The following GNB4 variants were observed in gnomAD, a reference collection of about 807,000 sequenced individuals.
GNB4 encodes guanine nucleotide-binding protein subunit beta-4.
A neutral mutation model predicts 45.2 loss-of-function variants in GNB4; 28 were observed. The observed-to-expected ratio is 0.62, with a 90% CI of 0.46 to 0.85. The LOEUF is 0.85. GNB4 is among the 40% of genes least tolerant of loss of function. GNB4 has a pLI of 0.00. For missense variants in GNB4, 321 were observed against 425.4 expected, an observed-to-expected ratio of 0.75 and a Z score of 2.16; for synonymous variants, 132 against 143.7, an observed-to-expected ratio of 0.92 and a Z score of 0.58.
intron 8 of GNB4, among the ~76,000 whole-genome samples, chr3:179,408,270 C>T (rs1304151054): frequency 2.6e-5 from 4 of 151,918 alleles, no homozygotes; most frequent in East Asian, 3.9e-4. Flanking sequence ...AGGACAACAA[C>T]GTCTGGGATG....
Position 179,397,902 on chromosome 3 carries a change from TG to T in GNB4, c.*3310del. On this transcript the variant is annotated 3_prime_UTR_variant, in exon 10 of 10. Coordinates refer to ENST00000232564, the MANE Select transcript of GNB4 (RefSeq NM_021629.4). Reference sequence around the variant, plus strand: ...CCCACCTCCACGCCCGGCTAATTTTTGTATTTTTAGTAGAGATGGGGTTTCA... The same window carrying T: ...CCCACCTCCACGCCCGGCTAATTTTTTATTTTTAGTAGAGATGGGGTTTCA... 6.6e-6 allele frequency: 1 copy of T among 152,440 alleles called. No homozygotes were observed. Among genetic ancestry groups the T allele is most frequent in the East Asian group, 1.9e-4 (1 of 5,148 alleles). 9.4% of individuals were successfully genotyped at this position (152,440 alleles called of 1,614,324 possible). A position where few individuals can be genotyped will look rare whatever the true frequency, so the allele number is the denominator to read the frequency against.
Position 179,398,949 on chromosome 3 carries a change from T to C in GNB4, c.*2264A>G, listed in dbSNP as rs1163764246. On this transcript the variant is annotated 3_prime_UTR_variant, in exon 10 of 10. Coordinates refer to ENST00000232564, the MANE Select transcript of GNB4 (RefSeq NM_021629.4). ...GTAATTTTAAAATATGTTAAGACCA[T>C]AGAATTCCTGTGGTCTGTATGCCTG... 3 of 152,178 alleles carry C rather than the reference T, an allele frequency of 2.0e-5. No individual in the cohort carries two copies. Among genetic ancestry groups the C allele is most frequent in the Non-Finnish European group, 4.4e-5 (3 of 68,020 alleles). The allele number at this position is 152,178 out of a possible 1,614,324, so 9.4% of individuals were successfully genotyped here.
intron 8 of GNB4, among the ~76,000 whole-genome samples, chr3:179,413,208 C>A (rs541467806): frequency 6.6e-6 from 1 of 151,910 alleles, no homozygotes; most frequent in South Asian, 2.1e-4. Context: ...AAAAAAAAAT[C>A]CAACAATAAC....
At chr3:179,436,128 G>C (rs1457423028) in intron 1 of GNB4, among the ~76,000 whole-genome samples, 1 of 152,236 alleles carries the variant, frequency 6.6e-6, no homozygotes, top group Non-Finnish European at 1.5e-5. Context: ...CGGATCTGCA[G>C]TGGCTCACAC....
At chr3:179,409,594 G>T (rs531784750) in intron 8 of GNB4, among the ~76,000 whole-genome samples, 53 of 151,916 alleles carry the variant, frequency 3.5e-4, no homozygotes, top group Non-Finnish European at 6.5e-4. Context: ...GGCAGATCAC[G>T]AGGTCAAGAG....
the GNB4 span, among the ~76,000 whole-genome samples, chr3:179,502,752 A>G: frequency 1.3e-5 from 2 of 152,246 alleles, no homozygotes; most frequent in East Asian, 3.8e-4. Context: ...ATTAGGTGGT[A>G]TATGTAGACC....
chr3:179,426,204 T>C lies in GNB4; in HGVS notation c.-4A>G. 2 of 1,594,954 alleles carry C rather than the reference T, an allele frequency of 1.3e-6. No individual in the cohort carries two copies. The highest frequency in any genetic ancestry group is 8.5e-7 in the Non-Finnish European group (1 of 1,175,124). ...TCAACTGTTCCAGTTCGCTCATTTT[T>C]TCAATTTGTTTACCTCAGGAGCTAA... On this transcript the variant is annotated 5_prime_UTR_variant, in exon 2 of 10. Transcript: ENST00000232564.
At chr3:179,435,492 T>C (rs201167304) in intron 1 of GNB4, among the ~76,000 whole-genome samples, 2 of 92,906 alleles carry the variant, frequency 2.2e-5, no homozygotes, top group Non-Finnish European at 4.7e-5. Flanking sequence ...AAAAAAAAAA[T>C]CAGAAGGGGA....
chr3:179,520,756 T>G, the GNB4 span, among the ~76,000 whole-genome samples: 3 of 152,270 alleles, frequency 2.0e-5, no homozygotes, highest in Admixed American at 2.0e-4. Context: ...CCCCCATGAT[T>G]GTACCTCTCT....
rs1293771060 is a variant in GNB4 at position 179,451,443 on chromosome 3, C to A, written c.-140G>T. 2 of 151,104 alleles carry A rather than the reference C, an allele frequency of 1.3e-5. No homozygotes were observed. The highest frequency in any genetic ancestry group is 4.8e-5 in the African/African-American group (2 of 41,300). The allele number at this position is 151,104 out of a possible 1,614,324, so 9.4% of individuals were successfully genotyped here. On this transcript the variant is annotated 5_prime_UTR_variant, in exon 1 of 10. Transcript: ENST00000232564. ...CGGAGCCGGCGTGGAGAGCGCAGCT[C>A]ACAGCCGAGACCAGAGCCGCCGGCC...
intron 4 of GNB4, among the ~76,000 whole-genome samples, chr3:179,417,115 A>C (rs1714821803): frequency 6.6e-6 from 1 of 152,186 alleles, no homozygotes; most frequent in Non-Finnish European, 1.5e-5. Context: ...GTAAAGGAGG[A>C]ACAATGGCTA....
At chr3:179,498,472 TG>T in the GNB4 span, among the ~76,000 whole-genome samples, 42 of 152,336 alleles carry the variant, frequency 2.8e-4, no homozygotes, top group East Asian at 6.4e-3. Flanking sequence ...AGTCTTGCTT[TG>T]TTGCCCAGGC....
chr3:179,494,916 A>G, the GNB4 span, among the ~76,000 whole-genome samples: 3 of 149,820 alleles, frequency 2.0e-5, no homozygotes, highest in Non-Finnish European at 4.4e-5. Context: ...TCAAAAAAAA[A>G]AAAAAAAAAA....
At chr3:179,458,858 T>G in the GNB4 span, among the ~76,000 whole-genome samples, 1 of 152,210 alleles carries the variant, frequency 6.6e-6, no homozygotes, top group Non-Finnish European at 1.5e-5. Flanking sequence ...AAAATAGATA[T>G]CAAAACTCAT....
In GNB4 at chr3:179,419,628, T is replaced by G. The variant is rs1041422759; in HGVS notation, c.97-123A>C. 4 of 674,786 alleles carry G rather than the reference T, an allele frequency of 5.9e-6. No homozygotes were observed. In the African/African-American group the frequency reaches 7.2e-5, roughly 12 times the overall value. 41.8% of individuals were successfully genotyped at this position (674,786 alleles called of 1,614,324 possible). A position where few individuals can be genotyped will look rare whatever the true frequency, so the allele number is the denominator to read the frequency against. On this transcript the variant is annotated intron_variant, in intron 3 of 9. Transcript: ENST00000232564. Reference sequence around the variant, plus strand: ...GTACATTTATAGTAACTGAAGGTAATTTAATGTATATAATTCCACAGAGCC... The same window carrying G: ...GTACATTTATAGTAACTGAAGGTAAGTTAATGTATATAATTCCACAGAGCC...
the GNB4 span, among the ~76,000 whole-genome samples, chr3:179,505,358 G>A: frequency 6.6e-6 from 1 of 152,202 alleles, no homozygotes; most frequent in Non-Finnish European, 1.5e-5. Context: ...AGATGAAACT[G>A]TGTGACAGAT....
chr3:179,526,448 G>T, the GNB4 span, among the ~76,000 whole-genome samples: 1 of 152,196 alleles, frequency 6.6e-6, no homozygotes, highest in Non-Finnish European at 1.5e-5. Flanking sequence ...TGTCACTGAA[G>T]ATAAAACATA....
chr3:179,429,124 G>C (rs1296292788), intron 1 of GNB4, among the ~76,000 whole-genome samples: 3 of 152,226 alleles, frequency 2.0e-5, no homozygotes, highest in Non-Finnish European at 4.4e-5. Flanking sequence ...AGTCCCTAGT[G>C]GCTGTTACTT....
chr3:179,466,800 C>T, the GNB4 span, among the ~76,000 whole-genome samples: 57 of 152,136 alleles, frequency 3.7e-4, no homozygotes, highest in Non-Finnish European at 1.5e-5. Flanking sequence ...GGTAAAATTA[C>T]AGTGATCAAT....
Sources: allele counts gnomAD v4.1 joint callset (sites outside exome capture counted in the v4.1 genomes callset), GRCh38; gene constraint gnomAD v4.1.1; transcripts MANE v1.5; gene names NCBI Gene and HGNC (gene_info 2026-07-23, HGNC 2026-07-21).